Variants in ADAM33 observed in about 807,000 individuals in gnomAD.
The protein encoded by ADAM33 is ADAM metallopeptidase domain 33, also known as disintegrin and metalloproteinase domain-containing protein 33.
In ADAM33, 103 loss-of-function variants were observed where a neutral mutation model predicts 106.2. The ratio of observed to expected loss-of-function variants is 0.97; its 90% CI spans 0.83 to 1.14. The LOEUF (loss-of-function observed/expected upper bound fraction) is 1.14. Among genes scored for constraint, ADAM33 ranks in the 50% most tolerant of loss-of-function variants. The pLI, the probability that ADAM33 is intolerant of heterozygous loss-of-function variation, is 0.00. For missense variants in ADAM33, 1,120 were observed against 1,096.6 expected (o/e 1.02, Z -0.30); for synonymous variants, 483 against 453.0 (o/e 1.07, Z -0.84).
At chr20:3,679,886 G>A (rs1237734218) in intron 1 of ADAM33, among the ~76,000 whole-genome samples, 2 of 152,168 alleles carry the variant, frequency 1.3e-5, no homozygotes, top group Non-Finnish European at 2.9e-5. Context: ...GGCCAAGGCC[G>A]CCAGTGCAGA....
In ADAM33 at chr20:3,669,366, A is replaced by C. The variant is rs571795704; in HGVS notation, c.2337T>G (p.Pro779=). The part of the protein sequence containing the change: ...TATGQPWPLD[P]ENSHEPSSHP... ...GGCTGCTGGGCTCATGAGAGTTCTCAGGGTCTGGGAGAAATGGTGGAGGGT... is the reference window on the plus strand; with the variant it reads ...GGCTGCTGGGCTCATGAGAGTTCTCCGGGTCTGGGAGAAATGGTGGAGGGT... Residue 779 remains proline (P), a synonymous_variant, in exon 21 of 22, where the codon CCT becomes CCG. Transcript: ENST00000356518. 1 of 1,604,426 alleles carries C rather than the reference A, an allele frequency of 6.2e-7. No individual in the cohort carries two copies. The highest frequency in any genetic ancestry group is 1.8e-5 in the Admixed American group (1 of 56,914).
At position 3,674,637 on chromosome 20, in the gene ADAM33, CGG is replaced by C; in HGVS notation, c.465_466del (p.Arg156GlyfsTer190). ...GTGGGTTGAGAAGTCCTTGGAGCCC[CGG>C]GGTGGCCAGGGACGCAGATAATAGC... is the stretch of plus-strand genomic sequence containing the variant. On this transcript the variant is annotated frameshift_variant, in exon 6 of 22. Transcript: ENST00000356518. LOFTEE classifies it high-confidence loss of function. 1 of 1,612,732 alleles carries C rather than the reference CGG, an allele frequency of 6.2e-7. No individual in the cohort carries two copies. The highest frequency in any genetic ancestry group is 8.5e-7 in the Non-Finnish European group (1 of 1,179,606).
intron 11 of ADAM33, 36 bp from the exon 12 acceptor site, chr20:3,672,934 C>G (rs765988855): frequency 6.6e-7 from 1 of 1,510,818 alleles, no homozygotes; most frequent in South Asian, 1.3e-5. Context: ...CATGGAGGGA[C>G]AGTCCCCCAA....
intron 10 of ADAM33, 30 bp from the exon 11 acceptor site, chr20:3,673,526 G>T: frequency 6.9e-7 from 1 of 1,458,084 alleles, no homozygotes. Context: ...CGGTCACTGC[G>T]GCCGTAGAGC....
At chr20:3,681,544 G>A (rs949571299) in intron 1 of ADAM33, among the ~76,000 whole-genome samples, 8 of 152,230 alleles carry the variant, frequency 5.3e-5, no homozygotes, top group African/African-American at 1.9e-4. Context: ...CGGGTCACAC[G>A]GTGGCCTGCG....
chr20:3,673,732 C>T lies in ADAM33; in HGVS notation c.905+13G>A, dbSNP rs2087733952. On this transcript the variant is annotated intron_variant, in intron 9 of 21. Transcript: ENST00000356518. ...CCCCACCCGGGACCCGCGTCCGGGT[C>T]AGAGGCACCCACGTGAGCAGCTGCG... 2.0e-6 allele frequency: 3 copies of T among 1,465,960 alleles called. No individual in the cohort carries two copies. Among genetic ancestry groups the T allele is most frequent in the Non-Finnish European group, 2.7e-6 (3 of 1,114,438 alleles). The allele number at this position is 1,465,960 out of a possible 1,614,324, so 90.8% of individuals were successfully genotyped here.
At position 3,672,255 on chromosome 20, in the gene ADAM33, G is replaced by T; in HGVS notation, c.1476C>A (p.Ser492=). 1 of 1,613,434 alleles carries T rather than the reference G, an allele frequency of 6.2e-7. No homozygotes were observed. Among genetic ancestry groups the T allele is most frequent in the Non-Finnish European group, 8.5e-7 (1 of 1,180,034 alleles). Residue 492 remains serine, a synonymous_variant, in exon 14 of 22, where the codon TCC becomes TCA. Transcript: ENST00000356518. Reference sequence around the variant, plus strand: ...GGTAAACGTCTGGGGGACAGTGGGAGGAGGTGCCCGTGCAAAACTCAGGGA... The same window carrying T: ...GGTAAACGTCTGGGGGACAGTGGGATGAGGTGCCCGTGCAAAACTCAGGGA... ...CDLPEFCTGT[S]SHCPPDVYLL...
At chr20:3,671,186 T>G in intron 18 of ADAM33, 33 bp from the exon 19 acceptor site, 1 of 1,612,972 alleles carries the variant, frequency 6.2e-7, no homozygotes, top group South Asian at 1.1e-5. Flanking sequence ...CGCTGAGTCC[T>G]GAGCAGGTGC....
In ADAM33 at chr20:3,674,618, TGAG is replaced by T. The variant is rs747167341; in HGVS notation, c.483_485del (p.Phe161_Ser162delinsLeu). ...GCTCCATCCGAAAGATCTCGTGGGTTGAGAAGTCCTTGGAGCCCCGGGGTGGCC... is the reference window on the plus strand; with the variant it reads ...GCTCCATCCGAAAGATCTCGTGGGTTAAGTCCTTGGAGCCCCGGGGTGGCC... On this transcript the variant is annotated inframe_deletion, in exon 6 of 22. Transcript: ENST00000356518. 5.0e-6 allele frequency: 8 copies of T among 1,612,678 alleles called. No individual in the cohort carries two copies. The highest frequency in any genetic ancestry group is 2.7e-5 in the African/African-American group (2 of 74,820).
In ADAM33 at chr20:3,674,823, T is replaced by TA; in HGVS notation, c.359dup (p.Arg121LysfsTer226). The TA allele has an allele frequency of 1.2e-6, 2 of 1,611,396 alleles. No homozygotes were observed. Among genetic ancestry groups the TA allele is most frequent in the Non-Finnish European group, 1.7e-6 (2 of 1,178,492 alleles). ...CTACCCAGGAGTCGGGGAAGCCCCT[T>TA]ACTCGCCCTTGGTAGTGGCAATGAT... On this transcript the variant is annotated frameshift_variant, in exon 5 of 22. Coordinates refer to ENST00000356518, the MANE Select transcript of ADAM33 (RefSeq NM_025220.5). LOFTEE classifies it high-confidence loss of function.
chr20:3,681,515 A>C (rs1395764377), intron 1 of ADAM33, among the ~76,000 whole-genome samples: 4 of 152,028 alleles, frequency 2.6e-5, no homozygotes, highest in Non-Finnish European at 5.9e-5. Context: ...CTGAGTCCTA[A>C]GGGGTGGAGG....
In ADAM33 at chr20:3,671,095, C is replaced by G. The variant is rs528557; in HGVS notation, c.2151G>C (p.Gly717=). Residue 717 remains glycine, a synonymous_variant, in exon 19 of 22, where the codon GGG becomes GGC. Transcript: ENST00000356518. ...LLSVLLPLLP[G]AGLAWCCYRL... ...GGTAGCAACACCAGGCCAGGCCGGC[C>G]CCTGGGAGCAGAGGCAGCAGGACGC... 0.29 allele frequency: 465,362 copies of G among 1,593,178 alleles called. 74,095 individuals are homozygous for G. The highest frequency in any genetic ancestry group is 0.64 in the African/African-American group (47,857 of 74,634).
intron 1 of ADAM33, 46 bp from the exon 2 acceptor site, chr20:3,679,617 A>C (rs41426947): frequency 1.3e-6 from 2 of 1,543,892 alleles, no homozygotes; most frequent in Admixed American, 1.9e-5. Context: ...TGAGGAACAC[A>C]GGGGCATGGG....
intron 2 of ADAM33, 107 bp from the exon 3 acceptor site, chr20:3,677,250 C>A: frequency 2.0e-6 from 2 of 978,126 alleles, no homozygotes; most frequent in Non-Finnish European, 2.9e-6. Context: ...TTGGGGAGAA[C>A]GTGGGCTGGG....
chr20:3,676,388 C>T (rs1409033198), intron 3 of ADAM33, among the ~76,000 whole-genome samples: 2 of 152,042 alleles, frequency 1.3e-5, no homozygotes, highest in African/African-American at 4.8e-5. Flanking sequence ...CAAGTGTAGC[C>T]ACTGCATCTT....
At position 3,671,976 on chromosome 20, in the gene ADAM33, G is replaced by T. The variant is rs943033281; in HGVS notation, c.1607C>A (p.Pro536Gln). 5 of 1,555,440 alleles carry T rather than the reference G, an allele frequency of 3.2e-6. No homozygotes were observed. Among genetic ancestry groups the T allele is most frequent in the Non-Finnish European group, 4.4e-6 (5 of 1,149,354 alleles). The change falls in exon 15 of 22, where the codon CCA becomes CAA. Residue 536 changes from proline (P) to glutamine (Q), a missense_variant. Physicochemically the swap from Pro to Gln is moderately conservative, Grantham distance 76 (BLOSUM62 -1). Transcript: ENST00000356518. ...CQQLWGPGSH[P>Q]APEACFQVVN... ...CACCTGGAAACAGGCCTCGGGAGCT[G>T]GGTGGGAGCCTGAGGAAGCATGGGC...
chr20:3,668,964 C>T lies in ADAM33; in HGVS notation c.2441G>A (p.Ter814=), dbSNP rs1294200711. The T allele has an allele frequency of 3.1e-6, 5 of 1,613,644 alleles. No homozygotes were observed. Among genetic ancestry groups the T allele is most frequent in the South Asian group, 1.1e-5 (1 of 91,068 alleles). The change falls in exon 22 of 22, where the codon TGA becomes TAA. Residue 814 remains the stop codon, a stop_retained_variant. Coordinates refer to ENST00000356518, the MANE Select transcript of ADAM33 (RefSeq NM_025220.5). ...QVQMPRSCLW[*] ...TCTGTTCATTTTAGGAGCTACCTCT[C>T]ACCAGAGGCAGGATCTTGGCATCTG... is the stretch of plus-strand genomic sequence containing the variant.
At chr20:3,672,437 A>G in intron 13 of ADAM33, 100 bp downstream of exon 13, 3 of 1,578,070 alleles carry the variant, frequency 1.9e-6, no homozygotes, top group Non-Finnish European at 1.7e-6. Context: ...ACCCAAGCCC[A>G]GCACCCAACG....
At chr20:3,681,740 T>C (rs1169329611) in intron 1 of ADAM33, among the ~76,000 whole-genome samples, 168 bp downstream of exon 1, 1 of 151,872 alleles carries the variant, frequency 6.6e-6, no homozygotes, top group Non-Finnish European at 1.5e-5. Flanking sequence ...CCTGGGCAGG[T>C]CCCACGGAGA....
Sources: gnomAD v4.1 joint callset for allele counts (sites outside exome capture counted in the v4.1 genomes callset) on GRCh38, gnomAD v4.1.1 for gene constraint, MANE v1.5 for transcripts, NCBI Gene and HGNC (gene_info 2026-07-23, HGNC 2026-07-21) for gene names.